COL23A1: variants seen among roughly 807,000 people sequenced by gnomAD.
The protein encoded by COL23A1 is collagen alpha-1(XXIII) chain.
A neutral mutation model predicts 99.3 loss-of-function variants in COL23A1; 97 were observed. That is an observed-to-expected ratio of 0.98 (90% confidence interval 0.83 to 1.16). COL23A1 has a LOEUF of 1.16. Among genes scored for constraint, COL23A1 ranks in the 50% most tolerant of loss-of-function variants. The probability of loss-of-function intolerance (pLI) is 0.00; values close to 1 mark genes in which losing one functional copy is unlikely to be tolerated. For synonymous variants in COL23A1, 320 were observed against 308.2 expected, an observed-to-expected ratio of 1.04 and a Z score of -0.40; for missense variants, 762 against 757.4, an observed-to-expected ratio of 1.01 and a Z score of -0.07.
chr5:178,416,861 G>GGGT (rs140509703), intron 2 of COL23A1, among the ~76,000 whole-genome samples: 21,083 of 152,034 alleles, frequency 0.14, 2,642 homozygotes, highest in East Asian at 0.63. Flanking sequence ...GAGGAGCTGA[G>GGGT]GGTGAGGGCA....
At chr5:178,325,719 G>A (rs888448133) in intron 2 of COL23A1, among the ~76,000 whole-genome samples, 11 of 152,220 alleles carry the variant, frequency 7.2e-5, no homozygotes, top group Non-Finnish European at 1.5e-4. Context: ...GAGTGGCCCA[G>A]GCCCAGGCAG....
At chr5:178,570,726 C>G (rs561038893) in intron 1 of COL23A1, among the ~76,000 whole-genome samples, 1 of 152,250 alleles carries the variant, frequency 6.6e-6, no homozygotes, top group South Asian at 2.1e-4. Flanking sequence ...TAGCTTCCCA[C>G]CTGGGGAGTG....
At chr5:178,352,659 G>A (rs1311366933) in intron 2 of COL23A1, among the ~76,000 whole-genome samples, 1 of 152,224 alleles carries the variant, frequency 6.6e-6, no homozygotes, top group African/African-American at 2.4e-5. Context: ...TCCGTTTCTC[G>A]TGGCCTAATA....
chr5:178,431,372 C>T (rs1766254710), intron 2 of COL23A1, among the ~76,000 whole-genome samples: 2 of 152,230 alleles, frequency 1.3e-5, no homozygotes, highest in African/African-American at 4.8e-5. Context: ...CCCAAAGACA[C>T]TACGGTTGAC....
intron 2 of COL23A1, among the ~76,000 whole-genome samples, chr5:178,421,290 A>G (rs1278203285): frequency 6.6e-6 from 1 of 152,198 alleles, no homozygotes; most frequent in African/African-American, 2.4e-5. Context: ...CAGACACTGG[A>G]CTTGGATCTG....
intron 2 of COL23A1, among the ~76,000 whole-genome samples, chr5:178,531,012 C>T (rs1360975610): frequency 6.6e-6 from 1 of 152,132 alleles, no homozygotes; most frequent in Non-Finnish European, 1.5e-5. Flanking sequence ...GGATTACAGG[C>T]ACGCGCCACC....
At chr5:178,507,556 T>G (rs1758948942) in intron 2 of COL23A1, among the ~76,000 whole-genome samples, 1 of 152,248 alleles carries the variant, frequency 6.6e-6, no homozygotes, top group African/African-American at 2.4e-5. Context: ...AATAAATGTT[T>G]GCTGTTTTCT....
intron 2 of COL23A1, among the ~76,000 whole-genome samples, chr5:178,506,936 T>C (rs1433856452): frequency 2.0e-5 from 3 of 152,354 alleles, no homozygotes; most frequent in Non-Finnish European, 2.9e-5. Flanking sequence ...CAATTTTGTA[T>C]ACAGGACCGT....
intron 2 of COL23A1, among the ~76,000 whole-genome samples, chr5:178,497,093 C>T (rs1055127710): frequency 7.9e-5 from 12 of 152,066 alleles, no homozygotes; most frequent in South Asian, 4.2e-4. Flanking sequence ...ATGGCTGTCA[C>T]GGTGTTCTGT....
chr5:178,490,242 C>G (rs1373963827), intron 2 of COL23A1, among the ~76,000 whole-genome samples: 7 of 151,386 alleles, frequency 4.6e-5, no homozygotes, highest in Non-Finnish European at 1.0e-4. Flanking sequence ...AAACAAAAAA[C>G]AAAAAACAAA....
At chr5:178,518,448 G>T (rs1466939918) in intron 2 of COL23A1, among the ~76,000 whole-genome samples, 2 of 150,196 alleles carry the variant, frequency 1.3e-5, no homozygotes, top group Non-Finnish European at 3.0e-5. Context: ...GGGCAGAGGG[G>T]CTCCTCACTT....
intron 2 of COL23A1, among the ~76,000 whole-genome samples, chr5:178,549,789 T>C (rs1694802): frequency 0.6 from 91,665 of 151,606 alleles, 29,228 homozygotes; most frequent in East Asian, 0.82. Context: ...CACTCCAGCC[T>C]GGACAACAAG....
chr5:178,270,744 G>A (rs996941915), intron 5 of COL23A1, among the ~76,000 whole-genome samples: 8 of 152,168 alleles, frequency 5.3e-5, no homozygotes, highest in Admixed American at 2.0e-4. Context: ...GGCTTTAGAG[G>A]CTTTCTTCTG....
chr5:178,549,309 T>C (rs1761883235), intron 2 of COL23A1, among the ~76,000 whole-genome samples: 1 of 151,032 alleles, frequency 6.6e-6, no homozygotes. Context: ...CAAATACTTC[T>C]TGAAAAAAAA....
chr5:178,410,367 C>T (rs1189752932), intron 2 of COL23A1, among the ~76,000 whole-genome samples: 2 of 152,152 alleles, frequency 1.3e-5, no homozygotes, highest in Non-Finnish European at 2.9e-5. Flanking sequence ...AATGGAGAAG[C>T]CAATCCTCAA....
chr5:178,518,918 CGG>C (rs1759777336), intron 2 of COL23A1, among the ~76,000 whole-genome samples: 1 of 134,422 alleles, frequency 7.4e-6, no homozygotes, highest in African/African-American at 2.8e-5. Context: ...TCCATCCTCC[CGG>C]CGGTCGGGCG....
intron 2 of COL23A1, among the ~76,000 whole-genome samples, chr5:178,533,147 A>G (rs1188205721): frequency 6.6e-6 from 1 of 152,222 alleles, no homozygotes; most frequent in East Asian, 1.9e-4. Context: ...TCTGAGAACT[A>G]GGAAGCTCTG....
chr5:178,449,427 G>A (rs771516190), intron 2 of COL23A1, among the ~76,000 whole-genome samples: 11 of 152,150 alleles, frequency 7.2e-5, no homozygotes, highest in Non-Finnish European at 1.5e-4. Context: ...GCTCAGAGCC[G>A]CTACAAACCG....
At chr5:178,272,931 T>A (rs112718042) in intron 5 of COL23A1, among the ~76,000 whole-genome samples, 42 of 152,290 alleles carry the variant, frequency 2.8e-4, no homozygotes, top group African/African-American at 9.6e-4. Context: ...GTAAGGTACG[T>A]GTCATCATCC....
Sources: allele counts gnomAD v4.1 joint callset (sites outside exome capture counted in the v4.1 genomes callset), GRCh38; gene constraint gnomAD v4.1.1; transcripts MANE v1.5; gene names NCBI Gene and HGNC (gene_info 2026-07-23, HGNC 2026-07-21).